The following RYR3 variants were observed in gnomAD, a reference collection of about 807,000 sequenced individuals.
RYR3 encodes ryanodine receptor 3, also known as brain ryanodine receptor-calcium release channel.
In RYR3, 207 loss-of-function variants were observed where a neutral mutation model predicts 584.3. The ratio of observed to expected loss-of-function variants is 0.35; its 90% CI spans 0.32 to 0.40. The LOEUF is 0.40. Ranked by LOEUF, RYR3 falls within the 10% of genes least tolerant of loss-of-function variation. The pLI is 1.00. For synonymous variants in RYR3, 2,416 were observed against 2,248.5 expected (o/e 1.07, Z -2.11); for missense variants, 5,616 against 6,089.2 (o/e 0.92, Z 2.59).
chr15:33,435,698 G>A (rs1242359353), intron 1 of RYR3, among the ~76,000 whole-genome samples: 1 of 152,126 alleles, frequency 6.6e-6, no homozygotes, highest in East Asian at 1.9e-4. Context: ...CATGTCCGGA[G>A]TTGATTGTTC....
intron 1 of RYR3, among the ~76,000 whole-genome samples, chr15:33,370,761 C>T (rs1225393165): frequency 2.0e-5 from 3 of 152,076 alleles, no homozygotes; most frequent in Non-Finnish European, 2.9e-5. Context: ...CAGGGCAGGG[C>T]TCAAGGCAAA....
At chr15:33,450,601 T>C (rs1486440867) in intron 1 of RYR3, among the ~76,000 whole-genome samples, 1 of 150,668 alleles carries the variant, frequency 6.6e-6, no homozygotes, top group Non-Finnish European at 1.5e-5. Context: ...TTTTTGAGGG[T>C]TCTTTTTTTT....
intron 1 of RYR3, among the ~76,000 whole-genome samples, chr15:33,424,998 C>T (rs2044504478): frequency 6.6e-6 from 1 of 152,160 alleles, no homozygotes; most frequent in Non-Finnish European, 1.5e-5. Context: ...GCCCCATTCC[C>T]TTGTTTTCTA....
At chr15:33,365,749 T>C (rs1286858483) in intron 1 of RYR3, among the ~76,000 whole-genome samples, 1 of 152,266 alleles carries the variant, frequency 6.6e-6, no homozygotes, top group Non-Finnish European at 1.5e-5. Context: ...GGAGGAAACT[T>C]TGGGAGATGA....
At chr15:33,686,857 A>G (rs2152748886) in intron 38 of RYR3, among the ~76,000 whole-genome samples, 1 of 152,356 alleles carries the variant, frequency 6.6e-6, no homozygotes. Context: ...AAAGCCTTCG[A>G]CAAAATTCAA....
intron 38 of RYR3, among the ~76,000 whole-genome samples, chr15:33,675,927 G>C (rs566242418): frequency 1.3e-5 from 2 of 152,216 alleles, no homozygotes; most frequent in Non-Finnish European, 2.9e-5. Context: ...GCAGTGCTCT[G>C]GGTGAGAGGT....
chr15:33,545,283 T>C (rs2056153854), intron 8 of RYR3, among the ~76,000 whole-genome samples: 1 of 152,144 alleles, frequency 6.6e-6, no homozygotes, highest in Admixed American at 6.5e-5. Flanking sequence ...GTTAGTCATT[T>C]GGTGGGCATT....
At chr15:33,537,519 T>C (rs2055431337) in intron 5 of RYR3, among the ~76,000 whole-genome samples, 1 of 125,896 alleles carries the variant, frequency 7.9e-6, no homozygotes, top group African/African-American at 3.2e-5. Context: ...CACACTTTAC[T>C]GTAATTCTAT....
intron 1 of RYR3, among the ~76,000 whole-genome samples, chr15:33,452,013 G>C (rs1034386041): frequency 6.6e-6 from 1 of 152,166 alleles, no homozygotes; most frequent in Non-Finnish European, 1.5e-5. Context: ...CTGAAGTCTG[G>C]TTGAAGGCCC....
rs1398944487 is a variant in RYR3 at position 33,840,876 on chromosome 15, A to G, written c.13030A>G (p.Lys4344Glu). 1 of 1,613,714 alleles carries G rather than the reference A, an allele frequency of 6.2e-7. No homozygotes were observed. Among genetic ancestry groups the G allele is most frequent in the Non-Finnish European group, 8.5e-7 (1 of 1,179,798 alleles). ...AGCAGAAGGAAAAGTAGAATCCGAG[A>G]AGGCAGAGTAAGTTCTTGGTAGCAT... Reference protein sequence around the residue: ...NEAEGKVESEKADMEDGEKED... With the variant: ...NEAEGKVESEEADMEDGEKED... The change falls in exon 90 of 104, where the codon AAG (lysine) becomes GAG (glutamate). Residue 4344 changes from lysine (K) to glutamate (E), a missense_variant. Coordinates refer to ENST00000634891, the MANE Select transcript of RYR3 (RefSeq NM_001036.6).
intron 2 of RYR3, among the ~76,000 whole-genome samples, chr15:33,500,971 T>G (rs2051928861): frequency 1.3e-5 from 2 of 152,116 alleles, no homozygotes; most frequent in Admixed American, 1.3e-4. Context: ...GCCCACACAT[T>G]GTTTTGGGTG....
intron 27 of RYR3, among the ~76,000 whole-genome samples, chr15:33,639,766 A>T (rs1039166814): frequency 6.6e-6 from 1 of 152,178 alleles, no homozygotes; most frequent in African/African-American, 2.4e-5. Flanking sequence ...CCTCTTATGC[A>T]TCATAGATTA....
chr15:33,548,372 A>G (rs191499551), intron 9 of RYR3, among the ~76,000 whole-genome samples, 168 bp downstream of exon 9: 52 of 152,362 alleles, frequency 3.4e-4, no homozygotes, highest in African/African-American at 1.2e-3. Context: ...GAACACACAC[A>G]CACACAATCT....
At chr15:33,819,037 C>T (rs1394223514) in intron 76 of RYR3, among the ~76,000 whole-genome samples, 6 of 152,078 alleles carry the variant, frequency 3.9e-5, no homozygotes, top group South Asian at 2.1e-4. Context: ...GCAGGACAAT[C>T]GCTTGAACCC....
chr15:33,857,559 T>C (rs1230509526), intron 98 of RYR3, among the ~76,000 whole-genome samples: 1 of 152,070 alleles, frequency 6.6e-6, no homozygotes, highest in Non-Finnish European at 1.5e-5. Context: ...CACCCCATCA[T>C]TACTCTTTTC....
chr15:33,664,876 T>C (rs1167219769), intron 36 of RYR3, among the ~76,000 whole-genome samples: 1 of 152,092 alleles, frequency 6.6e-6, no homozygotes, highest in African/African-American at 2.4e-5. Flanking sequence ...AACGTAGATA[T>C]CTATATTGGC....
intron 17 of RYR3, among the ~76,000 whole-genome samples, chr15:33,602,716 CCTAA>C (rs1412543342): frequency 6.9e-6 from 1 of 144,990 alleles, no homozygotes; most frequent in African/African-American, 2.5e-5. Context: ...TGTTGAGGGT[CCTAA>C]GCTTTTTCTA....
intron 33 of RYR3, 116 bp downstream of exon 33, chr15:33,659,922 C>CT: frequency 1.4e-6 from 1 of 735,920 alleles, no homozygotes; most frequent in Non-Finnish European, 2.3e-6. Flanking sequence ...CCATAAGCCC[C>CT]CCACCCCCAG....
intron 43 of RYR3, among the ~76,000 whole-genome samples, chr15:33,707,469 AG>A (rs2066799806): frequency 6.6e-6 from 1 of 152,198 alleles, no homozygotes; most frequent in Admixed American, 6.5e-5. Flanking sequence ...ATAACTGAGT[AG>A]CTGTAAAAGA....
Sources: gnomAD v4.1 joint callset for allele counts (sites outside exome capture counted in the v4.1 genomes callset) on GRCh38, gnomAD v4.1.1 for gene constraint, MANE v1.5 for transcripts, NCBI Gene and HGNC (gene_info 2026-07-23, HGNC 2026-07-21) for gene names.